TLK2: variants seen among roughly 807,000 people sequenced by gnomAD.
TLK2 encodes the protein serine/threonine-protein kinase tousled-like 2.
In TLK2, 6 loss-of-function variants were observed where a neutral mutation model predicts 117.3. That is an observed-to-expected ratio of 0.05 (90% CI 0.03 to 0.10). The LOEUF (loss-of-function observed/expected upper bound fraction) is 0.10. Ranked by LOEUF, TLK2 falls within the 10% of genes least tolerant of loss-of-function variation. The pLI is 1.00. For synonymous variants in TLK2, 257 were observed against 316.7 expected, an observed-to-expected ratio of 0.81 and a Z score of 2.00; for missense variants, 299 against 901.2, an observed-to-expected ratio of 0.33 and a Z score of 8.56.
intron 7 of TLK2, among the ~76,000 whole-genome samples, chr17:62,540,388 A>C (rs1598454453): frequency 1.7e-5 from 1 of 57,828 alleles, no homozygotes; most frequent in African/African-American, 4.0e-5. Context: ...TTACCTTCAA[A>C]ATATGTTCAG....
chr17:62,521,466 G>C (rs2076045174), intron 3 of TLK2, among the ~76,000 whole-genome samples: 3 of 152,262 alleles, frequency 2.0e-5, no homozygotes, highest in South Asian at 4.1e-4. Context: ...GTGCAGTGGT[G>C]CAATCATAGC....
chr17:62,514,758 T>C (rs2075434190), intron 2 of TLK2, among the ~76,000 whole-genome samples: 1 of 151,990 alleles, frequency 6.6e-6, no homozygotes, highest in African/African-American at 2.4e-5. Flanking sequence ...TTTGTATTTT[T>C]AGTAGAGATG....
At chr17:62,537,334 G>T (rs561183406) in intron 7 of TLK2, among the ~76,000 whole-genome samples, 1 of 152,196 alleles carries the variant, frequency 6.6e-6, no homozygotes, top group East Asian at 1.9e-4. Flanking sequence ...TTATAGTTAT[G>T]ATAGCTTTAC....
At chr17:62,602,389 G>GA (rs953870074) in intron 19 of TLK2, among the ~76,000 whole-genome samples, 2 of 152,076 alleles carry the variant, frequency 1.3e-5, no homozygotes, top group African/African-American at 4.8e-5. Flanking sequence ...TTCCTTTCTT[G>GA]AAAATCCTTA....
intron 15 of TLK2, among the ~76,000 whole-genome samples, chr17:62,584,950 T>C (rs2081502441): frequency 6.6e-6 from 1 of 152,252 alleles, no homozygotes; most frequent in Non-Finnish European, 1.5e-5. Flanking sequence ...ACTGAAGTAG[T>C]AAGCTTTTAA....
At chr17:62,602,382 C>G (rs2082935715) in intron 19 of TLK2, among the ~76,000 whole-genome samples, 1 of 152,112 alleles carries the variant, frequency 6.6e-6, no homozygotes, top group Non-Finnish European at 1.5e-5. Flanking sequence ...TTTTTCTTTC[C>G]TTTCTTGAAA....
At chr17:62,510,485 A>G (rs1023961773) in intron 2 of TLK2, among the ~76,000 whole-genome samples, 1 of 152,236 alleles carries the variant, frequency 6.6e-6, no homozygotes, top group African/African-American at 2.4e-5. Flanking sequence ...CTCACAAGGT[A>G]GGGCAACCAT....
rs1447454360 is a variant in TLK2 at position 62,612,516 on chromosome 17, C to T, written c.2204C>T (p.Ala735Val). 6.2e-7 allele frequency: 1 copy of T among 1,614,064 alleles called. No individual in the cohort carries two copies. The highest frequency in any genetic ancestry group is 8.5e-7 in the Non-Finnish European group (1 of 1,180,030). ...GTCTCTACAAGTAGCCCTGCTGGAG[C>T]TGCTATTGCATCAACCTCTGGGGCG... ...KSVSTSSPAGAAIASTSGASN... is the reference protein window; with the variant it reads ...KSVSTSSPAGVAIASTSGASN... The change falls in exon 22 of 22, where the codon GCT becomes GTT. Residue 735 changes from alanine (A) to valine (V), a missense_variant. By Grantham distance (64) the Ala-to-Val change is moderately conservative. This residue lies in a region of TLK2 where 19 missense variants were observed against 29.2 expected (regional missense o/e 0.65). Transcript: ENST00000346027.
intron 17 of TLK2, among the ~76,000 whole-genome samples, chr17:62,596,879 G>A (rs185643202): frequency 6.6e-6 from 1 of 152,322 alleles, no homozygotes; most frequent in Admixed American, 6.5e-5. Flanking sequence ...GCCAGTAAAT[G>A]TTTAACAGCC....
intron 2 of TLK2, among the ~76,000 whole-genome samples, chr17:62,510,436 T>C (rs775509933): frequency 3.9e-5 from 6 of 152,260 alleles, no homozygotes; most frequent in Non-Finnish European, 5.9e-5. Flanking sequence ...GATCTTCTTA[T>C]GCTTTCCTCA....
At chr17:62,569,314 A>C (rs183464286) in intron 11 of TLK2, among the ~76,000 whole-genome samples, 19 of 151,882 alleles carry the variant, frequency 1.3e-4, no homozygotes, top group African/African-American at 4.3e-4. Context: ...AAAAAAAAAA[A>C]CAACCCATCT....
intron 12 of TLK2, 31 bp downstream of exon 12, chr17:62,573,398 C>T (rs2080471990): frequency 6.2e-7 from 1 of 1,602,472 alleles, no homozygotes; most frequent in African/African-American, 1.3e-5. Flanking sequence ...AACGCTGAGA[C>T]ACCACACCCT....
At chr17:62,533,141 A>G (rs1393973712) in intron 6 of TLK2, among the ~76,000 whole-genome samples, 1 of 151,470 alleles carries the variant, frequency 6.6e-6, no homozygotes, top group Admixed American at 6.6e-5. Flanking sequence ...TGTTTTACTG[A>G]TAGGTAAAGC....
chr17:62,587,542 A>T (rs1337475252), intron 16 of TLK2, among the ~76,000 whole-genome samples: 1 of 152,188 alleles, frequency 6.6e-6, no homozygotes, highest in Non-Finnish European at 1.5e-5. Context: ...CCTCTTGTTC[A>T]TCAGGGACCC....
intron 18 of TLK2, 28 bp from the exon 19 acceptor site, chr17:62,602,014 C>CTTATT: frequency 6.2e-7 from 1 of 1,600,364 alleles, no homozygotes; most frequent in South Asian, 1.1e-5. Context: ...TAAGTCTCTG[C>CTTATT]TTATTCATGA....
chr17:62,606,706 A>ATG (rs1192278195), intron 20 of TLK2, among the ~76,000 whole-genome samples: 1 of 152,194 alleles, frequency 6.6e-6, no homozygotes, highest in Non-Finnish European at 1.5e-5. Flanking sequence ...TGGTGTCAGG[A>ATG]TGTATTCATT....
At position 62,481,220 on chromosome 17, in the gene TLK2, T is replaced by C. The variant is rs760662218; in HGVS notation, c.81+14T>C. The C allele has an allele frequency of 1.8e-5, 29 of 1,613,680 alleles. No homozygotes were observed. The highest frequency in any genetic ancestry group is 2.3e-5 in the Non-Finnish European group (27 of 1,179,626). ...GGTGTTAGTAAGGTGAGTAAAATGA[T>C]GATCATGAACACTATTCATATTCTA... On this transcript the variant is annotated intron_variant, in intron 2 of 21. Transcript: ENST00000346027.
intron 2 of TLK2, among the ~76,000 whole-genome samples, chr17:62,487,413 G>A (rs1449374946): frequency 1.3e-5 from 2 of 151,588 alleles, no homozygotes; most frequent in Admixed American, 1.3e-4. Flanking sequence ...CAGCTGCTCA[G>A]GAGGCTGAGG....
intron 1 of TLK2, among the ~76,000 whole-genome samples, chr17:62,471,888 CTTTTT>C (rs869092720): frequency 2.9e-4 from 11 of 37,774 alleles, no homozygotes; most frequent in South Asian, 1.7e-3. Context: ...GTAGTATAGT[CTTTTT>C]TTTTTTTTTT....
Sources: gnomAD v4.1 joint callset for allele counts (sites outside exome capture counted in the v4.1 genomes callset) on GRCh38, gnomAD v4.1.1 for gene constraint, gnomAD v4.1.1 regional missense constraint, MANE v1.5 for transcripts, NCBI Gene and HGNC (gene_info 2026-07-23, HGNC 2026-07-21) for gene names.